Variants in ANKRD12 observed in about 807,000 individuals in gnomAD.
ANKRD12 encodes the protein ankyrin repeat domain 12, also known as ankyrin repeat domain-containing protein 12.
In ANKRD12, 85 loss-of-function variants were observed where a neutral mutation model predicts 183.4. The ratio of observed to expected loss-of-function variants is 0.46; its 90% CI spans 0.39 to 0.56. The LOEUF (loss-of-function observed/expected upper bound fraction) is 0.56. Ranked by LOEUF, ANKRD12 falls within the 20% of genes least tolerant of loss-of-function variation. ANKRD12 has a pLI of 0.00. For synonymous variants in ANKRD12, 914 were observed against 800.2 expected (o/e 1.14, Z -2.40); for missense variants, 2,405 against 2,357.1 (o/e 1.02, Z -0.42).
intron 1 of ANKRD12, among the ~76,000 whole-genome samples, chr18:9,153,237 GT>G (rs1430879212): frequency 2.6e-5 from 4 of 152,114 alleles, no homozygotes; most frequent in Admixed American, 6.5e-5. Context: ...AATATTTTTC[GT>G]TAACCCTCAG....
chr18:9,284,830 T>C lies in ANKRD12; in HGVS notation c.*3704T>C, dbSNP rs1283130392. ...ATAGCAAAAAGTACAACTAAAAAAA[T>C]GGTTGGGTTTTCCCAGTGGTTAAAT... is the stretch of plus-strand genomic sequence containing the variant. On this transcript the variant is annotated 3_prime_UTR_variant, in exon 13 of 13. Coordinates refer to ENST00000262126, the MANE Select transcript of ANKRD12 (RefSeq NM_015208.5). The C allele has an allele frequency of 6.6e-6, 1 of 152,164 alleles. No homozygotes were observed. The highest frequency in any genetic ancestry group is 1.5e-5 in the Non-Finnish European group (1 of 68,030). 9.4% of individuals were successfully genotyped at this position (152,164 alleles called of 1,614,324 possible). A position where few individuals can be genotyped will look rare whatever the true frequency, so the allele number is the denominator to read the frequency against.
intron 1 of ANKRD12, among the ~76,000 whole-genome samples, chr18:9,168,159 A>G (rs1425086209): frequency 1.3e-5 from 2 of 152,120 alleles, no homozygotes; most frequent in Non-Finnish European, 2.9e-5. Context: ...TGTTCATCAA[A>G]GATATTGGTC....
In ANKRD12 at chr18:9,257,039, C is replaced by G; in HGVS notation, c.3772C>G (p.Leu1258Val). Reference sequence around the variant, plus strand: ...TTTGTCAATTGCCAAATCTCCTGCTCTTCATGAAAGGGAATTGGACAGCCT... The same window carrying G: ...TTTGTCAATTGCCAAATCTCCTGCTGTTCATGAAAGGGAATTGGACAGCCT... ...PFLSIAKSPA[L>V]HERELDSLAD... is the part of the protein sequence containing the mutation. The change falls in exon 9 of 13, where the codon CTT becomes GTT. Residue 1258 changes from leucine (L) to valine (V), a missense_variant. By Grantham distance (32) the Leu-to-Val change is conservative. This residue lies in a region of ANKRD12 where 1,983 missense variants were observed against 1,725.9 expected (regional missense o/e 1.15). Transcript: ENST00000262126. 1.2e-6 allele frequency: 2 copies of G among 1,614,144 alleles called. No homozygotes were observed. The highest frequency in any genetic ancestry group is 1.1e-5 in the South Asian group (1 of 91,082).
chr18:9,202,115 C>T (rs751999421), intron 3 of ANKRD12, among the ~76,000 whole-genome samples: 6 of 152,104 alleles, frequency 3.9e-5, no homozygotes, highest in African/African-American at 7.2e-5. Context: ...CGTGAGCAAC[C>T]GCGCCCAGCC....
At chr18:9,167,315 C>G (rs2032183284) in intron 1 of ANKRD12, among the ~76,000 whole-genome samples, 1 of 152,094 alleles carries the variant, frequency 6.6e-6, no homozygotes. Flanking sequence ...GGCAGTATGG[C>G]CGTTGTCATG....
In ANKRD12 at chr18:9,257,637, A is replaced by C. The variant is rs751458043; in HGVS notation, c.4370A>C (p.Lys1457Thr). ...SLQSFCNSENKVLKENADFLS... is the reference protein window; with the variant it reads ...SLQSFCNSENTVLKENADFLS... ...CAGAGTTTTTGTAATTCTGAAAATA[A>C]GGTATTGAAAGAAAATGCTGATTTT... is the stretch of plus-strand genomic sequence containing the variant. Residue 1457 changes from lysine (K) to threonine (T), a missense_variant, in exon 9 of 13, where the codon AAG (lysine) becomes ACG (threonine). Transcript: ENST00000262126. 6.2e-7 allele frequency: 1 copy of C among 1,613,972 alleles called. No homozygotes were observed. Among genetic ancestry groups the C allele is most frequent in the Non-Finnish European group, 8.5e-7 (1 of 1,179,954 alleles).
chr18:9,210,652 G>C (rs1229869224), intron 5 of ANKRD12, among the ~76,000 whole-genome samples: 2 of 143,202 alleles, frequency 1.4e-5, no homozygotes, highest in Non-Finnish European at 3.0e-5. Context: ...CTTGAACCCG[G>C]GAGGTAGAGG....
At chr18:9,173,216 C>T (rs2032918195) in intron 1 of ANKRD12, among the ~76,000 whole-genome samples, 1 of 151,956 alleles carries the variant, frequency 6.6e-6, no homozygotes, top group Non-Finnish European at 1.5e-5. Context: ...ATTACAGGCG[C>T]CTGCCACCAT....
chr18:9,230,161 T>A lies in ANKRD12; in HGVS notation c.943+8162T>A, dbSNP rs141132081. On this transcript the variant is annotated intron_variant, in intron 8 of 12. Coordinates refer to ENST00000262126, the MANE Select transcript of ANKRD12 (RefSeq NM_015208.5). ...CTTTTCTTTGTTAGGAGACTTTTTATTACTGAATTGGTCTATTCAGATTTT... is the reference window on the plus strand; with the variant it reads ...CTTTTCTTTGTTAGGAGACTTTTTAATACTGAATTGGTCTATTCAGATTTT... Among the ~76,000 whole-genome samples the A allele has an allele frequency of 2.8e-3, 426 of 152,334 alleles. 1 individual carries two copies. The highest frequency in any genetic ancestry group is 9.9e-3 in the African/African-American group (412 of 41,596).
intron 1 of ANKRD12, among the ~76,000 whole-genome samples, chr18:9,169,739 A>G (rs530048215): frequency 6.6e-6 from 1 of 152,174 alleles, no homozygotes; most frequent in Non-Finnish European, 1.5e-5. Flanking sequence ...TTACGTATGA[A>G]TTTGATCCTG....
intron 2 of ANKRD12, among the ~76,000 whole-genome samples, chr18:9,186,134 G>GTGTTTTTTTTTT (rs2034034755): frequency 6.9e-6 from 1 of 145,062 alleles, no homozygotes; most frequent in Non-Finnish European, 1.5e-5. Context: ...TCCTAAAAGT[G>GTGTTTTTTTTTT]TGATTTTTTT....
chr18:9,261,234 CTACATAA>C (rs1447806491), intron 9 of ANKRD12, among the ~76,000 whole-genome samples: 1 of 152,206 alleles, frequency 6.6e-6, no homozygotes, highest in Middle Eastern at 3.2e-3. Context: ...CTAACATGTT[CTACATAA>C]TACCTCTTCC....
intron 1 of ANKRD12, among the ~76,000 whole-genome samples, chr18:9,158,896 C>T (rs756926098): frequency 2.0e-5 from 3 of 152,172 alleles, no homozygotes; most frequent in African/African-American, 4.8e-5. Context: ...TCAGTGTGGA[C>T]TTGTAGATGT....
chr18:9,235,245 G>A (rs951696744), intron 8 of ANKRD12, among the ~76,000 whole-genome samples: 3 of 152,144 alleles, frequency 2.0e-5, no homozygotes, highest in African/African-American at 7.2e-5. Flanking sequence ...ATGCATACCT[G>A]ATGTCTTAGT....
intron 8 of ANKRD12, among the ~76,000 whole-genome samples, chr18:9,229,362 G>A (rs1047309964): frequency 3.9e-5 from 6 of 152,156 alleles, no homozygotes; most frequent in African/African-American, 1.4e-4. Context: ...GGATTACATT[G>A]AGTCTGTAGA....
intron 8 of ANKRD12, among the ~76,000 whole-genome samples, chr18:9,246,809 G>A (rs1350927849): frequency 1.3e-5 from 2 of 152,104 alleles, no homozygotes; most frequent in East Asian, 1.9e-4. Flanking sequence ...TATATGTCAG[G>A]CACTTTACAT....
intron 1 of ANKRD12, among the ~76,000 whole-genome samples, chr18:9,164,808 T>C (rs2031857538): frequency 6.6e-6 from 1 of 152,154 alleles, no homozygotes; most frequent in Non-Finnish European, 1.5e-5. Context: ...GTTTTATTAA[T>C]AATTGTGATT....
intron 8 of ANKRD12, among the ~76,000 whole-genome samples, chr18:9,242,970 T>G (rs2037748433): frequency 1.3e-5 from 2 of 152,308 alleles, no homozygotes; most frequent in South Asian, 4.1e-4. Flanking sequence ...TCATAACCTT[T>G]GCTTTAGAAA....
intron 8 of ANKRD12, among the ~76,000 whole-genome samples, chr18:9,239,841 T>G (rs74820145): frequency 0.014 from 2,066 of 152,324 alleles, 61 homozygotes; most frequent in African/African-American, 0.048. Context: ...CAGAACTTAA[T>G]AAATTTGGAG....
Sources: gnomAD v4.1 joint callset for allele counts (sites outside exome capture counted in the v4.1 genomes callset) on GRCh38, gnomAD v4.1.1 for gene constraint, gnomAD v4.1.1 regional missense constraint, MANE v1.5 for transcripts, NCBI Gene and HGNC (gene_info 2026-07-23, HGNC 2026-07-21) for gene names.